PUS7: variants seen among roughly 807,000 people sequenced by gnomAD.
PUS7 encodes pseudouridylate synthase 7 homolog.
A neutral mutation model predicts 79.8 loss-of-function variants in PUS7; 48 were observed. The observed-to-expected ratio is 0.60, with a 90% CI of 0.48 to 0.76. The LOEUF (loss-of-function observed/expected upper bound fraction) is 0.76. Among genes scored for constraint, PUS7 ranks in the 30% least tolerant of loss-of-function variants. The pLI, the probability that PUS7 is intolerant of heterozygous loss-of-function variation, is 0.00. For missense variants in PUS7, 729 were observed against 797.6 expected (o/e 0.91, Z 1.04); for synonymous variants, 286 against 272.2 (o/e 1.05, Z -0.50).
chr7:105,462,426 G>A lies in PUS7; in HGVS notation c.1757+195C>T, dbSNP rs113678947. 2.6e-3 allele frequency: 1,406 copies of A among 540,728 alleles called. 18 individuals carry two copies. The highest frequency in any genetic ancestry group is 0.024 in the African/African-American group (1,137 of 48,060). The allele number at this position is 540,728 out of a possible 1,614,324, so 33.5% of individuals were successfully genotyped here. On this transcript the variant is annotated intron_variant, in intron 14 of 15. Coordinates refer to ENST00000469408, the MANE Select transcript of PUS7 (RefSeq NM_019042.5). ...CAGCCTGGGTGACTAGTGAAACTCCGTCTCAAAAAAAAACCAAAAAAAAAA... is the reference window on the plus strand; with the variant it reads ...CAGCCTGGGTGACTAGTGAAACTCCATCTCAAAAAAAAACCAAAAAAAAAA...
chr7:105,500,540 T>G (rs1284801903), intron 5 of PUS7, among the ~76,000 whole-genome samples: 1 of 152,178 alleles, frequency 6.6e-6, no homozygotes, highest in Non-Finnish European at 1.5e-5. Context: ...TGCTTCCTCA[T>G]GACCACACCA....
At chr7:105,465,252 G>A in intron 13 of PUS7, 61 bp downstream of exon 13, 8 of 1,232,140 alleles carry the variant, frequency 6.5e-6, no homozygotes, top group Non-Finnish European at 9.4e-6. Flanking sequence ...ATATATGCTT[G>A]AAATAGTAGC....
rs750699750 is a variant in PUS7, at chr7:105,457,935, CAAGA to C, written c.1850-13_1850-10del. The C allele has an allele frequency of 1.1e-4, 183 of 1,611,004 alleles. No individual in the cohort carries two copies. Among genetic ancestry groups the C allele is most frequent in the Admixed American group, 2.4e-4 (14 of 59,352 alleles). On this transcript the variant is annotated splice_polypyrimidine_tract_variant and intron_variant, in intron 15 of 15. Coordinates refer to ENST00000469408, the MANE Select transcript of PUS7 (RefSeq NM_019042.5). Reference sequence around the variant, plus strand: ...AGCCCTGTATTTGCCTTCTGCAAGGCAAGAAAGAAAACAGTCAGAAAATGAAGGC... The same window carrying C: ...AGCCCTGTATTTGCCTTCTGCAAGGCAAGAAAACAGTCAGAAAATGAAGGC...
intron 12 of PUS7, among the ~76,000 whole-genome samples, chr7:105,466,042 C>A (rs1323817234): frequency 6.6e-6 from 1 of 151,734 alleles, no homozygotes; most frequent in Non-Finnish European, 1.5e-5. Context: ...CCTGTAGTCC[C>A]ACCTACTTGG....
chr7:105,465,456 A>G (rs931448379), intron 12 of PUS7, 42 bp from the exon 13 acceptor site: 1 of 1,383,546 alleles, frequency 7.2e-7, no homozygotes, highest in African/African-American at 1.4e-5. Flanking sequence ...AAAATAGGCA[A>G]TATTGTTATG....
chr7:105,473,864 T>C (rs1315800314), intron 9 of PUS7, among the ~76,000 whole-genome samples: 1 of 152,240 alleles, frequency 6.6e-6, no homozygotes, highest in Non-Finnish European at 1.5e-5. Flanking sequence ...TATATATGCT[T>C]TCAAAAAACT....
At chr7:105,480,506 G>A (rs1262415663) in intron 9 of PUS7, among the ~76,000 whole-genome samples, 1 of 152,116 alleles carries the variant, frequency 6.6e-6, no homozygotes, top group Non-Finnish European at 1.5e-5. Flanking sequence ...GCTGGGTGTG[G>A]AGGCTCATGC....
chr7:105,508,987 T>C (rs1825593029), intron 1 of PUS7, among the ~76,000 whole-genome samples: 1 of 148,514 alleles, frequency 6.7e-6, no homozygotes, highest in Non-Finnish European at 1.5e-5. Flanking sequence ...GAGATCAGCC[T>C]GGCCAACATG....
At chr7:105,518,565 T>C (rs942042953) in intron 1 of PUS7, among the ~76,000 whole-genome samples, 11 of 151,616 alleles carry the variant, frequency 7.3e-5, no homozygotes, top group South Asian at 2.1e-4. Flanking sequence ...CCATGCCCAG[T>C]TAATTTTTGT....
chr7:105,464,885 C>T (rs1823575860), intron 13 of PUS7, among the ~76,000 whole-genome samples: 1 of 132,978 alleles, frequency 7.5e-6, no homozygotes, highest in Non-Finnish European at 1.5e-5. Context: ...GTGGCATGAT[C>T]TTGGCACACT....
In PUS7 at chr7:105,469,496, G is replaced by A. The variant is rs373118365; in HGVS notation, c.1399-1033C>T. Among the ~76,000 whole-genome samples the A allele has an allele frequency of 2.6e-5, 4 of 152,256 alleles. No individual in the cohort carries two copies. In the East Asian group the frequency reaches 5.8e-4, roughly 22 times the overall value. Reference sequence around the variant, plus strand: ...TCATTTTGAGACGGAGTCTCACTTTGTTGCCCAGGCTGGAGTGCAATGGTG... The same window carrying A: ...TCATTTTGAGACGGAGTCTCACTTTATTGCCCAGGCTGGAGTGCAATGGTG... On this transcript the variant is annotated intron_variant, in intron 11 of 15. Coordinates refer to ENST00000469408, the MANE Select transcript of PUS7 (RefSeq NM_019042.5).
intron 1 of PUS7, among the ~76,000 whole-genome samples, chr7:105,521,254 A>G (rs1338864396): frequency 1.3e-5 from 2 of 152,142 alleles, no homozygotes; most frequent in Non-Finnish European, 2.9e-5. Context: ...GAACCTTAGT[A>G]ACCCTTTATT....
chr7:105,470,695 A>G lies in PUS7; in HGVS notation c.1391T>C (p.Phe464Ser), dbSNP rs751054087. 3.1e-6 allele frequency: 5 copies of G among 1,590,906 alleles called. No homozygotes were observed. The highest frequency in any genetic ancestry group is 4.3e-6 in the Non-Finnish European group (5 of 1,163,594). The change falls in exon 11 of 16, where the codon TTT (phenylalanine) becomes TCT (serine). Residue 464 changes from phenylalanine (F) to serine (S), a missense_variant. Physicochemically the swap from Phe to Ser is radical, Grantham distance 155. Transcript: ENST00000469408. Reference protein sequence around the residue: ...KYGMKNIVSAFGIIPRNNRLM... With the variant: ...KYGMKNIVSASGIIPRNNRLM... ...TTCACAAATTGCACTCACTATGCCA[A>G]ATGCAGAGACTATATTCTTCATTCC...
chr7:105,511,811 A>C (rs187552642), intron 1 of PUS7, among the ~76,000 whole-genome samples: 12 of 152,160 alleles, frequency 7.9e-5, no homozygotes, highest in Admixed American at 7.9e-4. Context: ...TGACAGCTAC[A>C]AAAAATAGGA....
chr7:105,499,911 C>A (rs896395662), intron 5 of PUS7, among the ~76,000 whole-genome samples: 1 of 152,166 alleles, frequency 6.6e-6, no homozygotes, highest in Non-Finnish European at 1.5e-5. Flanking sequence ...TGGTAGAGGG[C>A]CATGAACAAT....
intron 1 of PUS7, among the ~76,000 whole-genome samples, chr7:105,518,673 A>G (rs1825989054): frequency 1.3e-5 from 2 of 152,180 alleles, no homozygotes; most frequent in African/African-American, 4.8e-5. Context: ...ACAGGTGTGC[A>G]CCACCGCCCA....
At position 105,522,035 on chromosome 7, in the gene PUS7, G is replaced by T. The variant is rs562986430; in HGVS notation, c.-33+17C>A. The T allele has an allele frequency of 7.1e-4, 109 of 152,658 alleles. No individual in the cohort carries two copies. Among genetic ancestry groups the T allele is most frequent in the African/African-American group, 2.5e-3 (105 of 41,444 alleles). 9.5% of individuals were successfully genotyped at this position (152,658 alleles called of 1,614,324 possible). On this transcript the variant is annotated intron_variant, in intron 1 of 15. Coordinates refer to ENST00000469408, the MANE Select transcript of PUS7 (RefSeq NM_019042.5). ...GGCCGAGGAGCCCCGGCGGCCGCGG[G>T]GAGGCCGCGCACTTACCCGGAGCCT... is the stretch of plus-strand genomic sequence containing the variant.
intron 12 of PUS7, among the ~76,000 whole-genome samples, chr7:105,467,034 GTTTTTTTTTTTTTTTTT>G (rs56177512): frequency 1.6e-4 from 11 of 70,698 alleles, no homozygotes; most frequent in African/African-American, 5.2e-4. Context: ...AGTTTTTTCT[GTTTTTTTTTTTTTTTTT>G]TTTTTTTTTT....
chr7:105,470,541 G>C, intron 11 of PUS7, 147 bp downstream of exon 11: 1 of 879,236 alleles, frequency 1.1e-6, no homozygotes, highest in Non-Finnish European at 1.6e-6. Context: ...TCTGAACAAA[G>C]ACTACTCAGG....
Sources: allele counts gnomAD v4.1 joint callset (sites outside exome capture counted in the v4.1 genomes callset), GRCh38; gene constraint gnomAD v4.1.1; transcripts MANE v1.5; gene names NCBI Gene and HGNC (gene_info 2026-07-23, HGNC 2026-07-21).